Variants in ZDHHC21 observed in about 807,000 individuals in gnomAD.
ZDHHC21 encodes palmitoyltransferase ZDHHC21.
A neutral mutation model predicts 34.6 loss-of-function variants in ZDHHC21; 15 were observed. The observed-to-expected ratio is 0.43, with a 90% CI of 0.29 to 0.67. The LOEUF is 0.67. Ranked by LOEUF, ZDHHC21 falls within the 30% of genes least tolerant of loss-of-function variation. The probability of loss-of-function intolerance (pLI) is 0.14; values close to 1 mark genes in which losing one functional copy is unlikely to be tolerated. For synonymous variants in ZDHHC21, 142 were observed against 101.8 expected, an observed-to-expected ratio of 1.40 and a Z score of -2.38; for missense variants, 344 against 327.7, an observed-to-expected ratio of 1.05 and a Z score of -0.38.
rs901833880 is a variant in ZDHHC21, at chr9:14,617,723, C to G, written c.*1243G>C. ...TTCTATGCCTTGCAAAAGAACATCA[C>G]TATTAGTAATTTACATTTGTACAAG... On this transcript the variant is annotated 3_prime_UTR_variant, in exon 10 of 10. Transcript: ENST00000380916. The G allele has an allele frequency of 1.3e-5, 2 of 151,926 alleles. No individual in the cohort carries two copies. The highest frequency in any genetic ancestry group is 4.8e-5 in the African/African-American group (2 of 41,394). The allele number at this position is 151,926 out of a possible 1,614,324, so 9.4% of individuals were successfully genotyped here.
chr9:14,665,227 C>G (rs1834196454), intron 5 of ZDHHC21, among the ~76,000 whole-genome samples: 1 of 134,274 alleles, frequency 7.4e-6, no homozygotes, highest in African/African-American at 2.9e-5. Flanking sequence ...CCGATGCGAT[C>G]AACTGGAAGA....
At chr9:14,638,518 G>C (rs979658209) in intron 8 of ZDHHC21, among the ~76,000 whole-genome samples, 1 of 151,854 alleles carries the variant, frequency 6.6e-6, no homozygotes, top group Non-Finnish European at 1.5e-5. Flanking sequence ...AAAAAATGCA[G>C]ACAACAAATA....
At chr9:14,622,726 T>C (rs1215524837) in intron 8 of ZDHHC21, 3 of 985,018 alleles carry the variant, frequency 3.0e-6, no homozygotes, top group Non-Finnish European at 3.6e-6. Flanking sequence ...AACAATCTGT[T>C]ATATGACTAT....
intron 5 of ZDHHC21, among the ~76,000 whole-genome samples, chr9:14,662,584 A>G (rs933015041): frequency 3.9e-5 from 6 of 152,242 alleles, no homozygotes; most frequent in African/African-American, 1.4e-4. Flanking sequence ...GACAGAAAAC[A>G]ATGTATTTGG....
At chr9:14,607,417 AT>A (rs1823046945), downstream of ZDHHC21, among the ~76,000 whole-genome samples, 1 of 152,168 alleles carries the variant, frequency 6.6e-6, no homozygotes. Flanking sequence ...AAAAAAAGTT[AT>A]TATATGTTAA....
At chr9:14,658,632 C>G in intron 7 of ZDHHC21, 117 bp downstream of exon 7, 1 of 778,318 alleles carries the variant, frequency 1.3e-6, no homozygotes, top group Non-Finnish European at 2.0e-6. Flanking sequence ...CCACCTCGCC[C>G]GGCTAATTTT....
At chr9:14,640,165 A>G (rs1414316088) in intron 7 of ZDHHC21, among the ~76,000 whole-genome samples, 153 bp from the exon 8 acceptor site, 2 of 152,034 alleles carry the variant, frequency 1.3e-5, no homozygotes, top group Admixed American at 6.6e-5. Context: ...AAATCAATGT[A>G]TAAATATTTT....
intron 8 of ZDHHC21, among the ~76,000 whole-genome samples, chr9:14,621,024 G>A (rs906028553): frequency 6.6e-6 from 1 of 151,922 alleles, no homozygotes; most frequent in African/African-American, 2.4e-5. Context: ...CACTGATTAG[G>A]GTCTTAGAGG....
At chr9:14,641,411 T>A (rs894385198) in intron 7 of ZDHHC21, among the ~76,000 whole-genome samples, 1 of 152,142 alleles carries the variant, frequency 6.6e-6, no homozygotes, top group Non-Finnish European at 1.5e-5. Flanking sequence ...TTAAGTAAAT[T>A]CTGCATTAAC....
the ZDHHC21 span, among the ~76,000 whole-genome samples, chr9:14,597,619 C>G: frequency 6.6e-6 from 1 of 152,172 alleles, no homozygotes; most frequent in Non-Finnish European, 1.5e-5. Context: ...CCAGCCCTCA[C>G]TGCTGGTACC....
the ZDHHC21 span, among the ~76,000 whole-genome samples, chr9:14,601,277 G>A: frequency 6.6e-6 from 1 of 151,988 alleles, no homozygotes; most frequent in Non-Finnish European, 1.5e-5. Context: ...TATCCACAAT[G>A]TACAAGGAAT....
intron 7 of ZDHHC21, among the ~76,000 whole-genome samples, chr9:14,643,379 A>G (rs1013511606): frequency 6.0e-4 from 91 of 152,276 alleles, no homozygotes; most frequent in African/African-American, 2.2e-3. Flanking sequence ...CCCTACCCTA[A>G]AGGTAAAGGT....
chr9:14,674,507 G>T, intron 3 of ZDHHC21, 122 bp from the exon 4 acceptor site: 1 of 536,044 alleles, frequency 1.9e-6, no homozygotes. Context: ...TTTTCTTTCT[G>T]TAGTTGATAT....
the ZDHHC21 span, among the ~76,000 whole-genome samples, chr9:14,590,976 G>A: frequency 6.6e-6 from 1 of 152,036 alleles, no homozygotes; most frequent in East Asian, 1.9e-4. Context: ...ATAGAACAAA[G>A]GGGGAAATAG....
At chr9:14,632,778 A>G (rs1186877981) in intron 8 of ZDHHC21, among the ~76,000 whole-genome samples, 1 of 152,110 alleles carries the variant, frequency 6.6e-6, no homozygotes, top group Non-Finnish European at 1.5e-5. Context: ...CAATTAAAAC[A>G]TGGTCAAAGG....
chr9:14,689,496 G>T (rs541788765), intron 2 of ZDHHC21, among the ~76,000 whole-genome samples: 1 of 152,198 alleles, frequency 6.6e-6, no homozygotes, highest in South Asian at 2.1e-4. Context: ...TGTAGACTAA[G>T]TCTTTAAATT....
intron 4 of ZDHHC21, 38 bp from the exon 5 acceptor site, chr9:14,672,966 C>T (rs1233089856): frequency 7.9e-7 from 1 of 1,259,780 alleles, no homozygotes; most frequent in Non-Finnish European, 1.1e-6. Context: ...AGTCACTTAC[C>T]CTTCAAAACA....
chr9:14,674,940 T>C (rs993076886), intron 3 of ZDHHC21, among the ~76,000 whole-genome samples: 1 of 152,028 alleles, frequency 6.6e-6, no homozygotes, highest in Admixed American at 6.6e-5. Context: ...TATGTAAACA[T>C]TCACTGAGCT....
chr9:14,663,440 G>C (rs1833756577), intron 5 of ZDHHC21, among the ~76,000 whole-genome samples: 1 of 148,522 alleles, frequency 6.7e-6, no homozygotes. Context: ...CTAAATAAAA[G>C]TGAAAGATAA....
Sources: gnomAD v4.1 joint callset for allele counts (sites outside exome capture counted in the v4.1 genomes callset) on GRCh38, gnomAD v4.1.1 for gene constraint, MANE v1.5 for transcripts, NCBI Gene and HGNC (gene_info 2026-07-23, HGNC 2026-07-21) for gene names.